The following HADHA variants were observed in gnomAD, a reference collection of about 807,000 sequenced individuals.
HADHA encodes trifunctional enzyme subunit alpha, mitochondrial.
A neutral mutation model predicts 91.3 loss-of-function variants in HADHA; 59 were observed. The ratio of observed to expected loss-of-function variants is 0.65; its 90% CI spans 0.52 to 0.80. The LOEUF is 0.80. HADHA is among the 30% of genes least tolerant of loss of function. The probability of loss-of-function intolerance (pLI) is 0.00; values close to 1 mark genes in which losing one functional copy is unlikely to be tolerated. For missense variants in HADHA, 800 were observed against 927.6 expected (o/e 0.86, Z 1.79); for synonymous variants, 320 against 338.9 (o/e 0.94, Z 0.61).
intron 7 of HADHA, among the ~76,000 whole-genome samples, 175 bp from the exon 8 acceptor site, chr2:26,215,350 T>C (rs1469884655): frequency 6.6e-6 from 1 of 152,116 alleles, no homozygotes; most frequent in African/African-American, 2.4e-5. Context: ...TCACAATGAA[T>C]AGAGGAGAAA....
At chr2:26,240,241 A>C (rs1229668618) in intron 1 of HADHA, among the ~76,000 whole-genome samples, 2 of 152,214 alleles carry the variant, frequency 1.3e-5, no homozygotes, top group African/African-American at 4.8e-5. Flanking sequence ...TCATTCAACA[A>C]AAACATATAT....
Position 26,191,967 on chromosome 2 carries a change from G to A in HADHA, c.2001-339C>T, listed in dbSNP as rs533591606. Among the ~76,000 whole-genome samples the A allele has an allele frequency of 1.1e-4, 16 of 152,334 alleles. No individual in the cohort carries two copies. In the East Asian group the frequency reaches 2.5e-3, roughly 24 times the overall value. ...CCAAGGAGAATCTGTCCTTCCAGCGGCTCTCTGGGAACTTGCCAGAGAAGG... is the reference window on the plus strand; with the variant it reads ...CCAAGGAGAATCTGTCCTTCCAGCGACTCTCTGGGAACTTGCCAGAGAAGG... On this transcript the variant is annotated intron_variant, in intron 18 of 19. Coordinates refer to ENST00000380649, the MANE Select transcript of HADHA (RefSeq NM_000182.5).
intron 6 of HADHA, among the ~76,000 whole-genome samples, chr2:26,231,672 T>C (rs1177864447): frequency 1.3e-5 from 2 of 152,086 alleles, no homozygotes; most frequent in Non-Finnish European, 2.9e-5. Context: ...TGATCAATAA[T>C]TCTGTGGAAT....
Position 26,209,793 on chromosome 2 carries a change from G to T in HADHA, c.1072C>A (p.Gln358Lys), listed in dbSNP as rs2229420. 4.3e-3 allele frequency: 6,658 copies of T among 1,540,490 alleles called. 212 individuals are homozygous for T. In the African/African-American group the frequency reaches 0.071, roughly 16 times the overall value. Residue 358 changes from glutamine (Q) to lysine (K), a missense_variant, in exon 11 of 20, where the codon CAG (glutamine) becomes AAG (lysine). Gln to Lys is a moderately conservative substitution (Grantham distance 53). Transcript: ENST00000380649. Reference protein sequence around the residue: ...LCKKNKFGAPQKDVKHLAILG... With the variant: ...LCKKNKFGAPKKDVKHLAILG... Reference sequence around the variant, plus strand: ...AGTTTAACTTACTTAACATCCTTCTGTGGAGCTCCAAATTTATTCTTCTTG... The same window carrying T: ...AGTTTAACTTACTTAACATCCTTCTTTGGAGCTCCAAATTTATTCTTCTTG...
chr2:26,194,728 T>A (rs779066170), intron 15 of HADHA, 90 bp from the exon 16 acceptor site: 86 of 863,816 alleles, frequency 1.0e-4, no homozygotes, highest in Admixed American at 1.5e-4. Flanking sequence ...TTCAAAGTCA[T>A]TTGAAAGTCA....
At chr2:26,193,829 G>A in intron 16 of HADHA, 57 bp from the exon 17 acceptor site, 1 of 1,386,362 alleles carries the variant, frequency 7.2e-7, no homozygotes, top group Non-Finnish European at 1.0e-6. Flanking sequence ...TCCCCCCAAA[G>A]GGCTCCCTGT....
chr2:26,209,398 G>A (rs1282535767), intron 11 of HADHA, among the ~76,000 whole-genome samples: 2 of 152,206 alleles, frequency 1.3e-5, no homozygotes, highest in African/African-American at 4.8e-5. Context: ...TTACAATGAG[G>A]TTTTATGTTT....
At chr2:26,217,820 T>C (rs1451606467) in intron 7 of HADHA, among the ~76,000 whole-genome samples, 1 of 152,096 alleles carries the variant, frequency 6.6e-6, no homozygotes, top group Non-Finnish European at 1.5e-5. Context: ...CGTGGAAAGA[T>C]TGCTTGAGCC....
chr2:26,191,891 C>A (rs1669517239), intron 18 of HADHA, among the ~76,000 whole-genome samples: 1 of 152,188 alleles, frequency 6.6e-6, no homozygotes, highest in South Asian at 2.1e-4. Context: ...TTGACATCAG[C>A]AACAGTCAGC....
intron 7 of HADHA, among the ~76,000 whole-genome samples, chr2:26,217,475 A>G (rs1670265075): frequency 6.6e-6 from 1 of 152,228 alleles, no homozygotes; most frequent in Non-Finnish European, 1.5e-5. Context: ...AATGAATCCC[A>G]GACATAATAA....
At chr2:26,216,977 G>A (rs913992991) in intron 7 of HADHA, among the ~76,000 whole-genome samples, 45 of 152,088 alleles carry the variant, frequency 3.0e-4, no homozygotes, top group African/African-American at 1.0e-3. Flanking sequence ...ATTCAGAAAT[G>A]AAAAAAATGA....
Position 26,201,232 on chromosome 2 carries a change from C to G in HADHA, c.1309G>C (p.Gly437Arg). ...SNLTGQLDYQ[G>R]FEKADMVIEA... Reference sequence around the variant, plus strand: ...ATCACCATGTCGGCCTTTTCAAAACCTTGGTAATCAAGCTGCCCAGTCAAG... The same window carrying G: ...ATCACCATGTCGGCCTTTTCAAAACGTTGGTAATCAAGCTGCCCAGTCAAG... Residue 437 changes from glycine (G) to arginine (R), a missense_variant, in exon 13 of 20, where the codon GGT (glycine) becomes CGT (arginine). Gly to Arg is a moderately radical substitution (Grantham distance 125). Transcript: ENST00000380649. 3.1e-6 allele frequency: 5 copies of G among 1,613,416 alleles called. No individual in the cohort carries two copies. The highest frequency in any genetic ancestry group is 4.2e-6 in the Non-Finnish European group (5 of 1,179,324).
intron 7 of HADHA, among the ~76,000 whole-genome samples, chr2:26,216,984 A>T (rs1670237404): frequency 6.6e-6 from 1 of 152,250 alleles, no homozygotes; most frequent in Non-Finnish European, 1.5e-5. Context: ...AATGAAAAAA[A>T]TGATAGAAGG....
intron 16 of HADHA, 143 bp from the exon 17 acceptor site, chr2:26,193,915 C>G: frequency 1.5e-6 from 1 of 673,172 alleles, no homozygotes; most frequent in Non-Finnish European, 2.6e-6. Flanking sequence ...GGTGCTATTT[C>G]ATTCAGGGAA....
Position 26,229,348 on chromosome 2 carries a change from G to GCACGCACACACA in HADHA, c.676+843_676+844insTGTGTGTGCGTG, listed in dbSNP as rs1553315306. On this transcript the variant is annotated intron_variant, in intron 7 of 19. Coordinates refer to ENST00000380649, the MANE Select transcript of HADHA (RefSeq NM_000182.5). The surrounding 1 kb of genome is among the most constrained non-coding windows in gnomAD (Gnocchi z 4.3). ...GTGAGACCCCAACATGTGTGCGCGC[G>GCACGCACACACA]CACACACACACACACACACACACAC... Among the ~76,000 whole-genome samples the GCACGCACACACA allele has an allele frequency of 2.7e-5, 4 of 147,520 alleles. No homozygotes were observed. The highest frequency in any genetic ancestry group is 1.0e-4 in the African/African-American group (4 of 39,538).
At chr2:26,216,826 T>A (rs1311122496) in intron 7 of HADHA, among the ~76,000 whole-genome samples, 1 of 152,122 alleles carries the variant, frequency 6.6e-6, no homozygotes, top group African/African-American at 2.4e-5. Flanking sequence ...GAGCGGTCCT[T>A]GAAACTCTGG....
At chr2:26,206,811 A>G (rs1490646634) in intron 11 of HADHA, among the ~76,000 whole-genome samples, 1 of 152,206 alleles carries the variant, frequency 6.6e-6, no homozygotes. Context: ...GAGTTACCTG[A>G]TATGTACTAA....
intron 9 of HADHA, among the ~76,000 whole-genome samples, chr2:26,213,915 T>C (rs1352976437): frequency 6.6e-6 from 1 of 152,238 alleles, no homozygotes; most frequent in African/African-American, 2.4e-5. Context: ...CTTTCCACAC[T>C]GAAAAGTTCT....
At position 26,226,898 on chromosome 2, in the gene HADHA, G is replaced by GA. The variant is rs570370017; in HGVS notation, c.676+3293dup. ...GAAAACTTAGTGATCTTGAGTTAGA[G>GA]AAATATTTTTTAGATACCACACTAA... On this transcript the variant is annotated intron_variant, in intron 7 of 19. Coordinates refer to ENST00000380649, the MANE Select transcript of HADHA (RefSeq NM_000182.5). 8.7e-4 allele frequency among the ~76,000 whole-genome samples: 133 copies of GA among 152,128 alleles called. 1 individual carries two copies. Among genetic ancestry groups the GA allele is most frequent in the African/African-American group, 3.0e-3 (126 of 41,504 alleles).
Sources: gnomAD v4.1 joint callset for allele counts (sites outside exome capture counted in the v4.1 genomes callset) on GRCh38, gnomAD v4.1.1 for gene constraint, Gnocchi (gnomAD v3.1) non-coding constraint, MANE v1.5 for transcripts, NCBI Gene and HGNC (gene_info 2026-07-23, HGNC 2026-07-21) for gene names.